Variants in JAK2 observed in about 807,000 individuals in gnomAD.
JAK2 encodes the protein tyrosine-protein kinase JAK2.
In JAK2, 86 loss-of-function variants were observed where a neutral mutation model predicts 139.3. That is an observed-to-expected ratio of 0.62 (90% CI 0.52 to 0.74). JAK2 has a LOEUF of 0.74. JAK2 is among the 30% of genes least tolerant of loss of function. The probability of loss-of-function intolerance (pLI) is 0.00; values close to 1 mark genes in which losing one functional copy is unlikely to be tolerated. For missense variants in JAK2, 1,421 were observed against 1,360.3 expected (o/e 1.04, Z -0.70); for synonymous variants, 490 against 437.7 (o/e 1.12, Z -1.49).
At chr9:5,111,202 C>G (rs113063528) in intron 22 of JAK2, 6 of 638,970 alleles carry the variant, frequency 9.4e-6, no homozygotes, top group African/African-American at 5.6e-5. Context: ...GGGACCGGGA[C>G]TCGGAGGCAA....
chr9:5,058,453 G>A (rs773951177), intron 8 of JAK2, among the ~76,000 whole-genome samples: 1 of 152,068 alleles, frequency 6.6e-6, no homozygotes, highest in Non-Finnish European at 1.5e-5. Context: ...AGAACAGCAT[G>A]GGGGAAACAA....
intron 7 of JAK2, 30 bp from the exon 8 acceptor site, chr9:5,055,639 G>A (rs777697698): frequency 3.3e-5 from 49 of 1,499,362 alleles, no homozygotes; most frequent in Admixed American, 9.3e-5. Context: ...AATTCTACCC[G>A]TTTTTAATTT....
chr9:5,118,612 G>C (rs1487512762), intron 22 of JAK2, among the ~76,000 whole-genome samples: 3 of 152,126 alleles, frequency 2.0e-5, no homozygotes, highest in East Asian at 3.8e-4. Flanking sequence ...TTCTATAATG[G>C]GACAAGATTA....
intron 22 of JAK2, chr9:5,110,399 T>TA (rs1564013813): frequency 1.3e-5 from 2 of 152,300 alleles, no homozygotes; most frequent in African/African-American, 2.4e-5. Context: ...AGCTGGGCCT[T>TA]ACGATAGTCA....
chr9:5,032,612 T>A (rs1292260544), intron 4 of JAK2, among the ~76,000 whole-genome samples: 2 of 152,222 alleles, frequency 1.3e-5, no homozygotes, highest in African/African-American at 4.8e-5. Context: ...CTGCAGCCAC[T>A]GCTGCTGGTA....
At chr9:5,097,814 C>T (rs745705580) in intron 22 of JAK2, 2 of 152,196 alleles carry the variant, frequency 1.3e-5, no homozygotes, top group Non-Finnish European at 2.9e-5. Context: ...TCACCAGGAG[C>T]GGTGTTCGCC....
chr9:5,075,242 C>T (rs1819234147), intron 14 of JAK2, among the ~76,000 whole-genome samples: 2 of 152,120 alleles, frequency 1.3e-5, no homozygotes, highest in Admixed American at 1.3e-4. Context: ...AGCAAGTTAT[C>T]CAGAAGATCT....
intron 12 of JAK2, among the ~76,000 whole-genome samples, chr9:5,071,997 T>C (rs1255002555): frequency 6.6e-6 from 1 of 152,198 alleles, no homozygotes. Context: ...TTATTGATCA[T>C]AACAATCCTA....
chr9:5,104,614 A>G (rs1468846493), intron 22 of JAK2, among the ~76,000 whole-genome samples: 1 of 152,188 alleles, frequency 6.6e-6, no homozygotes, highest in African/African-American at 2.4e-5. Flanking sequence ...CAAAAAAATA[A>G]TTTTAGACCA....
intron 2 of JAK2, among the ~76,000 whole-genome samples, chr9:4,994,668 T>C (rs983239053): frequency 3.9e-5 from 6 of 152,210 alleles, no homozygotes; most frequent in African/African-American, 1.4e-4. Context: ...GGCTCATGGC[T>C]GTGTTCTCAT....
intron 2 of JAK2, among the ~76,000 whole-genome samples, chr9:5,021,682 G>T (rs961731150): frequency 6.6e-6 from 1 of 152,044 alleles, no homozygotes; most frequent in Non-Finnish European, 1.5e-5. Context: ...ACTGGAGTGC[G>T]GTGGAGTGCG....
chr9:5,043,387 C>G (rs926707637), intron 4 of JAK2, among the ~76,000 whole-genome samples: 29 of 150,952 alleles, frequency 1.9e-4, no homozygotes, highest in Non-Finnish European at 4.1e-4. Context: ...AAATACAAAT[C>G]AAAACCACGA....
intron 6 of JAK2, among the ~76,000 whole-genome samples, chr9:5,052,454 C>T (rs930492205): frequency 6.6e-6 from 1 of 151,780 alleles, no homozygotes; most frequent in Non-Finnish European, 1.5e-5. Flanking sequence ...ATTAAACATT[C>T]ATATAAGATT....
chr9:5,021,910 G>A (rs1822455991), intron 2 of JAK2, 53 bp from the exon 3 acceptor site: 2 of 1,049,320 alleles, frequency 1.9e-6, no homozygotes, highest in African/African-American at 1.6e-5. Context: ...TAGGATTACA[G>A]GTGTGAGACA....
intron 22 of JAK2, chr9:5,112,086 GACC>G (rs1822625950): frequency 2.6e-6 from 1 of 378,766 alleles, no homozygotes; most frequent in African/African-American, 2.1e-5. Context: ...TAAGATAGAA[GACC>G]ACCTACCTGA....
chr9:5,098,711 T>C (rs1291198283), intron 22 of JAK2: 2 of 151,708 alleles, frequency 1.3e-5, no homozygotes, highest in African/African-American at 4.9e-5. Context: ...TTTTTTTTTT[T>C]GAGACAGAGT....
chr9:5,109,503 A>AT (rs1207171488), intron 22 of JAK2: 2 of 152,274 alleles, frequency 1.3e-5, no homozygotes, highest in African/African-American at 4.8e-5. Flanking sequence ...ACAAATATGT[A>AT]TTTTTCCACT....
At chr9:5,065,186 CAT>C in intron 9 of JAK2, 146 bp downstream of exon 9, 1 of 455,516 alleles carries the variant, frequency 2.2e-6, no homozygotes, top group South Asian at 6.0e-5. Context: ...AATCAGATTA[CAT>C]AATAATTAGA....
At chr9:5,114,773 C>T (rs17425819) in intron 22 of JAK2, 83,897 of 316,108 alleles carry the variant, frequency 0.27, 11,860 homozygotes, top group Admixed American at 0.3. Context: ...GCTCACAGAC[C>T]GTCAAGTAAC....
Sources: gnomAD v4.1 joint callset for allele counts (sites outside exome capture counted in the v4.1 genomes callset) on GRCh38, gnomAD v4.1.1 for gene constraint, MANE v1.5 for transcripts, NCBI Gene and HGNC (gene_info 2026-07-23, HGNC 2026-07-21) for gene names.